BCL9: variants seen among roughly 807,000 people sequenced by gnomAD.
The protein encoded by BCL9 is BCL9 transcription coactivator.
Under a neutral mutation model 88.5 loss-of-function variants are expected in BCL9, and 25 were observed. The observed-to-expected ratio is 0.28, with a 90% CI of 0.21 to 0.39. The LOEUF (loss-of-function observed/expected upper bound fraction) is 0.39. Ranked by LOEUF, BCL9 falls within the 10% of genes least tolerant of loss-of-function variation. The pLI, the probability that BCL9 is intolerant of heterozygous loss-of-function variation, is 1.00. For missense variants in BCL9, 1,817 were observed against 1,877.8 expected, an observed-to-expected ratio of 0.97 and a Z score of 0.60; for synonymous variants, 711 against 673.3, an observed-to-expected ratio of 1.06 and a Z score of -0.87.
intron 6 of BCL9, 83 bp downstream of exon 6, chr1:147,614,699 A>T: frequency 7.3e-7 from 1 of 1,375,636 alleles, no homozygotes; most frequent in Non-Finnish European, 9.8e-7. Flanking sequence ...TTGATCTTTT[A>T]TTATCACCTA....
chr1:147,558,539 C>T (rs953626068), intron 1 of BCL9, among the ~76,000 whole-genome samples: 4 of 152,126 alleles, frequency 2.6e-5, no homozygotes, highest in Admixed American at 1.3e-4. Flanking sequence ...GAACCACACA[C>T]GCTCTGTGGA....
intron 1 of BCL9, among the ~76,000 whole-genome samples, chr1:147,586,306 C>T (rs1656599617): frequency 6.6e-6 from 1 of 151,954 alleles, no homozygotes; most frequent in African/African-American, 2.4e-5. Context: ...AAATTCAGTC[C>T]TCATTACCCC....
intron 1 of BCL9, among the ~76,000 whole-genome samples, chr1:147,574,505 C>T (rs781835679): frequency 2.0e-5 from 3 of 152,120 alleles, no homozygotes; most frequent in Admixed American, 6.5e-5. Flanking sequence ...GCCAAATAGT[C>T]CAGGAATGAT....
chr1:147,624,390 C>T lies in BCL9; in HGVS notation c.3712C>T (p.Arg1238Cys), dbSNP rs782751277. The T allele has an allele frequency of 2.4e-5, 39 of 1,614,092 alleles. No homozygotes were observed. The highest frequency in any genetic ancestry group is 3.1e-5 in the Non-Finnish European group (37 of 1,180,042). The part of the protein sequence containing the change: ...ATGIPEFDLS[R>C]IIPSEKPSQT... ...CGGAATACCTGAGTTTGATCTATCC[C>T]GCATTATTCCATCTGAGAAGCCCAG... The change falls in exon 10 of 10, where the codon CGC becomes TGC. Residue 1238 changes from arginine (R) to cysteine (C), a missense_variant. Coordinates refer to ENST00000234739, the MANE Select transcript of BCL9 (RefSeq NM_004326.4). The surrounding 1 kb of genome is among the most constrained non-coding windows in gnomAD (Gnocchi z 4.4).
At chr1:147,584,235 C>T (rs782574943) in intron 1 of BCL9, among the ~76,000 whole-genome samples, 63 of 151,992 alleles carry the variant, frequency 4.1e-4, no homozygotes, top group Non-Finnish European at 7.6e-4. Flanking sequence ...TTAGTAGAGA[C>T]GAGGTTTTGC....
At position 147,612,969 on chromosome 1, in the gene BCL9, C is replaced by T; in HGVS notation, c.140C>T (p.Ser47Phe). Residue 47 changes from serine to phenylalanine, a missense_variant, in exon 5 of 10, where the codon TCC (serine) becomes TTC (phenylalanine). By Grantham distance (155) the Ser-to-Phe change is radical (BLOSUM62 -2). This residue lies in a region of BCL9 where 1,228 missense variants were observed against 1,191.6 expected (regional missense o/e 1.03). Coordinates refer to ENST00000234739, the MANE Select transcript of BCL9 (RefSeq NM_004326.4). The part of the protein sequence containing the change: ...SGNPQLDSKF[S>F]NQGKQGGSAS... ...AACCCCCAGCTGGATTCCAAATTCT[C>T]CAATCAGGGTAAACAGGGGGGCTCA... 1 of 1,612,986 alleles carries T rather than the reference C, an allele frequency of 6.2e-7. No homozygotes were observed. The highest frequency in any genetic ancestry group is 8.5e-7 in the Non-Finnish European group (1 of 1,179,522).
intron 1 of BCL9, among the ~76,000 whole-genome samples, chr1:147,592,486 G>C (rs587704459): frequency 6.6e-6 from 1 of 152,220 alleles, no homozygotes; most frequent in Non-Finnish European, 1.5e-5. Context: ...TAGAGGTCTG[G>C]CCAGATAACT....
rs587596052 is a variant in BCL9 at position 147,548,803 on chromosome 1, A to T, written c.-478+7129A>T. Among the ~76,000 whole-genome samples, 26 of 152,276 alleles carry T rather than the reference A, an allele frequency of 1.7e-4. No homozygotes were observed. In the South Asian group the frequency reaches 5.0e-3, roughly 29 times the overall value. On this transcript the variant is annotated intron_variant, in intron 1 of 9. Coordinates refer to ENST00000234739, the MANE Select transcript of BCL9 (RefSeq NM_004326.4). ...AGATAGTGAGACCCTGTCTCAAAAA[A>T]AAAGTATAAATACAAAAAGAATTGA...
chr1:147,541,690 ATTCC>A lies in BCL9; in HGVS notation c.-478+20_-478+23del, dbSNP rs1418130600. 1 of 152,100 alleles carries A rather than the reference ATTCC, an allele frequency of 6.6e-6. No individual in the cohort carries two copies. Among genetic ancestry groups the A allele is most frequent in the Non-Finnish European group, 1.5e-5 (1 of 68,056 alleles). 9.4% of individuals were successfully genotyped at this position (152,100 alleles called of 1,614,324 possible). ...CATAAAAAAGGTAAGAGCCCTAACAATTCCTTCTTCGGTGGCAGGCTTGTTCGCC... is the reference window on the plus strand; with the variant it reads ...CATAAAAAAGGTAAGAGCCCTAACAATTCTTCGGTGGCAGGCTTGTTCGCC... On this transcript the variant is annotated intron_variant, in intron 1 of 9. Transcript: ENST00000234739.
chr1:147,590,936 A>G (rs587634123), intron 1 of BCL9, among the ~76,000 whole-genome samples: 89 of 152,360 alleles, frequency 5.8e-4, no homozygotes, highest in African/African-American at 1.9e-3. Context: ...ATAAAAGAAT[A>G]CTTTGAAAAA....
At chr1:147,558,431 G>C (rs782052887) in intron 1 of BCL9, among the ~76,000 whole-genome samples, 4 of 152,148 alleles carry the variant, frequency 2.6e-5, no homozygotes, top group Non-Finnish European at 4.4e-5. Context: ...TGGAGTCAAT[G>C]GCTGCTATGG....
At chr1:147,580,180 T>C (rs1254174688) in intron 1 of BCL9, among the ~76,000 whole-genome samples, 1 of 152,114 alleles carries the variant, frequency 6.6e-6, no homozygotes, top group African/African-American at 2.4e-5. Flanking sequence ...CAGCTATGGA[T>C]AGAATAGATG....
In BCL9 at chr1:147,624,108, G is replaced by A; in HGVS notation, c.3430G>A (p.Val1144Ile). The change falls in exon 10 of 10, where the codon GTA (valine) becomes ATA (isoleucine). Residue 1144 changes from valine to isoleucine, a missense_variant. By Grantham distance (29) the Val-to-Ile change is conservative (BLOSUM62 3). This residue lies in a region of BCL9 where 589 missense variants were observed against 686.2 expected (regional missense o/e 0.86). Coordinates refer to ENST00000234739, the MANE Select transcript of BCL9 (RefSeq NM_004326.4). This position sits in a 1 kb window ranked among gnomAD's most constrained non-coding sequence, Gnocchi z 4.4. ...GGGCTTCCCCCAGGGCTTCCCTCCA[G>A]TACAGTCTCCCCCACAGCAGGTTCC... ...RMGFPQGFPP[V>I]QSPPQQVPFP... 6.2e-7 allele frequency: 1 copy of A among 1,603,390 alleles called. No homozygotes were observed. The highest frequency in any genetic ancestry group is 1.1e-5 in the South Asian group (1 of 89,772).
chr1:147,586,245 C>T (rs1475926786), intron 1 of BCL9, among the ~76,000 whole-genome samples: 2 of 152,092 alleles, frequency 1.3e-5, no homozygotes, highest in African/African-American at 4.8e-5. Context: ...GATTCTGCCA[C>T]CCAAATGTCT....
chr1:147,571,226 T>G (rs1314292406), intron 1 of BCL9, among the ~76,000 whole-genome samples: 1 of 152,108 alleles, frequency 6.6e-6, no homozygotes, highest in Non-Finnish European at 1.5e-5. Flanking sequence ...TGCTCTGAGG[T>G]GGGTAGGATT....
rs587745159 is a variant in BCL9, at chr1:147,549,157, A to G, written c.-478+7483A>G. On this transcript the variant is annotated intron_variant, in intron 1 of 9. Coordinates refer to ENST00000234739, the MANE Select transcript of BCL9 (RefSeq NM_004326.4). ...ACACCCAGCTAATTTTTGTATATTT[A>G]GTAGAGACAGAGTTTTGCCGTGTTG... Among the ~76,000 whole-genome samples, 26 of 151,908 alleles carry G rather than the reference A, an allele frequency of 1.7e-4. 1 individual carries two copies. The highest frequency in any genetic ancestry group is 1.7e-3 in the Admixed American group (26 of 15,250).
intron 1 of BCL9, among the ~76,000 whole-genome samples, chr1:147,586,863 T>C (rs1366458252): frequency 6.6e-6 from 1 of 152,192 alleles, no homozygotes; most frequent in African/African-American, 2.4e-5. Context: ...TGCAAACTCC[T>C]TAGCCTTAAA....
intron 1 of BCL9, among the ~76,000 whole-genome samples, chr1:147,577,052 AT>A (rs1249943057): frequency 6.0e-4 from 91 of 151,512 alleles, no homozygotes; most frequent in Middle Eastern, 3.4e-3. Flanking sequence ...AGTACGCTAT[AT>A]TTTTTTTTAT....
chr1:147,583,922 C>T (rs1656483601), intron 1 of BCL9, among the ~76,000 whole-genome samples: 1 of 151,806 alleles, frequency 6.6e-6, no homozygotes, highest in South Asian at 2.1e-4. Context: ...CACTGCCCTC[C>T]CTCCAGCCTG....
Sources: gnomAD v4.1 joint callset for allele counts (sites outside exome capture counted in the v4.1 genomes callset) on GRCh38, gnomAD v4.1.1 for gene constraint, gnomAD v4.1.1 regional missense constraint, Gnocchi (gnomAD v3.1) non-coding constraint, MANE v1.5 for transcripts, NCBI Gene and HGNC (gene_info 2026-07-23, HGNC 2026-07-21) for gene names.